Variants in PKP4 observed in about 807,000 individuals in gnomAD.
The protein encoded by PKP4 is plakophilin 4.
In PKP4, 90 loss-of-function variants were observed where a neutral mutation model predicts 145.1. The observed-to-expected ratio is 0.62, with a 90% CI of 0.52 to 0.74. PKP4 has a LOEUF of 0.74. Ranked by LOEUF, PKP4 falls within the 30% of genes least tolerant of loss-of-function variation. The pLI is 0.00. For missense variants in PKP4, 1,340 were observed against 1,482.7 expected, an observed-to-expected ratio of 0.90 and a Z score of 1.58; for synonymous variants, 563 against 577.2, an observed-to-expected ratio of 0.98 and a Z score of 0.35.
At chr2:158,661,079 A>T (rs187146524) in intron 12 of PKP4, 146 of 299,360 alleles carry the variant, frequency 4.9e-4, no homozygotes, top group Non-Finnish European at 6.6e-4. Flanking sequence ...AAAGAATTAT[A>T]TGAGGGAATT....
At chr2:158,648,527 A>T (rs1415265663) in intron 11 of PKP4, among the ~76,000 whole-genome samples, 6 of 152,188 alleles carry the variant, frequency 3.9e-5, no homozygotes, top group Admixed American at 6.6e-5. Flanking sequence ...ATGTCCCCTT[A>T]GCCTAATTAA....
chr2:158,610,140 T>A (rs916109031), intron 4 of PKP4, among the ~76,000 whole-genome samples: 1 of 152,254 alleles, frequency 6.6e-6, no homozygotes, highest in Non-Finnish European at 1.5e-5. Flanking sequence ...GCACATCTTT[T>A]GTGTTTTTTT....
intron 2 of PKP4, among the ~76,000 whole-genome samples, chr2:158,573,729 G>A (rs1247588158): frequency 6.6e-6 from 1 of 152,032 alleles, no homozygotes; most frequent in African/African-American, 2.4e-5. Context: ...TACTTGTCAG[G>A]GATCAACACC....
chr2:158,550,564 G>A (rs1457451155), intron 2 of PKP4, among the ~76,000 whole-genome samples: 1 of 152,198 alleles, frequency 6.6e-6, no homozygotes, highest in Non-Finnish European at 1.5e-5. Flanking sequence ...TAGTCCTGCT[G>A]TTTGGCTGCA....
At chr2:158,591,707 T>C (rs2049289234) in intron 3 of PKP4, among the ~76,000 whole-genome samples, 2 of 152,110 alleles carry the variant, frequency 1.3e-5, no homozygotes, top group Non-Finnish European at 2.9e-5. Flanking sequence ...AAATATTCTT[T>C]TTGAAAATTT....
chr2:158,533,902 T>G (rs567156071), intron 2 of PKP4, among the ~76,000 whole-genome samples: 1 of 152,298 alleles, frequency 6.6e-6, no homozygotes, highest in African/African-American at 2.4e-5. Flanking sequence ...CCTCCTATAT[T>G]AGGTCTTATC....
At chr2:158,656,839 G>C (rs1247882398) in intron 11 of PKP4, among the ~76,000 whole-genome samples, 1 of 152,182 alleles carries the variant, frequency 6.6e-6, no homozygotes, top group Non-Finnish European at 1.5e-5. Context: ...AGGAGCTCCT[G>C]TCTTCCTCCC....
chr2:158,652,661 C>T (rs921964189), intron 11 of PKP4, among the ~76,000 whole-genome samples: 4 of 152,154 alleles, frequency 2.6e-5, no homozygotes, highest in African/African-American at 7.2e-5. Flanking sequence ...AATATTTCTA[C>T]CCCCATTTTT....
At chr2:158,516,558 G>GA (rs1162761983) in intron 1 of PKP4, among the ~76,000 whole-genome samples, 2 of 151,698 alleles carry the variant, frequency 1.3e-5, no homozygotes, top group Admixed American at 6.6e-5. Flanking sequence ...CCAAGACACT[G>GA]AAAAAATCAT....
At chr2:158,626,439 T>C (rs2052793665) in intron 7 of PKP4, among the ~76,000 whole-genome samples, 2 of 152,234 alleles carry the variant, frequency 1.3e-5, no homozygotes. Flanking sequence ...TTAGGTTGTT[T>C]GTTATGTTTA....
chr2:158,589,356 A>T (rs913238409), intron 3 of PKP4, among the ~76,000 whole-genome samples: 27 of 152,082 alleles, frequency 1.8e-4, no homozygotes, highest in African/African-American at 6.5e-4. Context: ...TTGCTTTACC[A>T]TTGGAGTGTC....
chr2:158,466,487 A>G (rs192453363), intron 1 of PKP4, among the ~76,000 whole-genome samples: 16 of 152,076 alleles, frequency 1.1e-4, no homozygotes, highest in Non-Finnish European at 2.1e-4. Context: ...ACTTGAGATT[A>G]GGAGTTCAAG....
At chr2:158,501,097 G>A (rs1696493521) in intron 1 of PKP4, among the ~76,000 whole-genome samples, 1 of 152,160 alleles carries the variant, frequency 6.6e-6, no homozygotes, top group Admixed American at 6.5e-5. Context: ...CCCTAAGGAA[G>A]GGTCCAGATC....
At chr2:158,594,887 T>A (rs1294686732) in intron 3 of PKP4, among the ~76,000 whole-genome samples, 1 of 152,180 alleles carries the variant, frequency 6.6e-6, no homozygotes, top group Non-Finnish European at 1.5e-5. Context: ...GGTGGAGATA[T>A]TTGTTTGCCT....
intron 2 of PKP4, chr2:158,533,530 T>C: frequency 1.6e-6 from 1 of 645,002 alleles, no homozygotes; most frequent in African/African-American, 1.8e-5. Context: ...CTTGTGCGTC[T>C]GCAAGTAAGG....
intron 11 of PKP4, among the ~76,000 whole-genome samples, chr2:158,648,706 TTA>T (rs1226030422): frequency 6.6e-6 from 1 of 152,152 alleles, no homozygotes; most frequent in African/African-American, 2.4e-5. Flanking sequence ...TTGGTCCACT[TTA>T]TAAAACATAG....
intron 1 of PKP4, among the ~76,000 whole-genome samples, chr2:158,473,101 C>T (rs1691857316): frequency 6.6e-6 from 1 of 152,190 alleles, no homozygotes; most frequent in Non-Finnish European, 1.5e-5. Context: ...ATCAAAACCA[C>T]AATGAGATAC....
chr2:158,610,895 A>ACCAG (rs2051086201), intron 4 of PKP4, among the ~76,000 whole-genome samples: 3 of 152,150 alleles, frequency 2.0e-5, no homozygotes, highest in South Asian at 4.1e-4. Flanking sequence ...CTCTGTCCCC[A>ACCAG]CCAGCCAGCC....
intron 1 of PKP4, among the ~76,000 whole-genome samples, chr2:158,499,139 A>C (rs1696185529): frequency 6.6e-6 from 1 of 152,170 alleles, no homozygotes; most frequent in Non-Finnish European, 1.5e-5. Flanking sequence ...CAATCTGAGC[A>C]GTTTATTATA....
Sources: allele counts gnomAD v4.1 joint callset (sites outside exome capture counted in the v4.1 genomes callset), GRCh38; gene constraint gnomAD v4.1.1; transcripts MANE v1.5; gene names NCBI Gene and HGNC (gene_info 2026-07-23, HGNC 2026-07-21).